LCLAT1: variants seen among roughly 807,000 people sequenced by gnomAD.
LCLAT1 encodes lysocardiolipin acyltransferase 1, also known as 1-AGP acyltransferase 8.
A neutral mutation model predicts 30.7 loss-of-function variants in LCLAT1; 11 were observed. The observed-to-expected ratio is 0.36, with a 90% CI of 0.23 to 0.59. The LOEUF (loss-of-function observed/expected upper bound fraction) is 0.59, where lower values mean the gene tolerates loss of function less well. Ranked by LOEUF, LCLAT1 falls within the 20% of genes least tolerant of loss-of-function variation. The pLI is 0.77. For missense variants in LCLAT1, 402 were observed against 458.6 expected (o/e 0.88, Z 1.13); for synonymous variants, 155 against 151.3 (o/e 1.02, Z -0.18).
At chr2:30,556,327 C>T (rs1196868136) in intron 3 of LCLAT1, among the ~76,000 whole-genome samples, 2 of 151,958 alleles carry the variant, frequency 1.3e-5, no homozygotes, top group Non-Finnish European at 2.9e-5. Context: ...GCCATATATA[C>T]AAAGACAGGC....
In LCLAT1 at chr2:30,519,450, C is replaced by T. The variant is rs150980436; in HGVS notation, c.-4-6137C>T. Reference sequence around the variant, plus strand: ...TTCAGCAGGAAGCAGTTAGAGTGGTCGTCAGCCAACCTCCCCAACAGCACT... The same window carrying T: ...TTCAGCAGGAAGCAGTTAGAGTGGTTGTCAGCCAACCTCCCCAACAGCACT... On this transcript the variant is annotated intron_variant, in intron 1 of 5. Transcript: ENST00000379509. Among the ~76,000 whole-genome samples the T allele has an allele frequency of 3.4e-3, 516 of 152,170 alleles. 6 individuals carry two copies. Among genetic ancestry groups the T allele is most frequent in the African/African-American group, 0.011 (447 of 41,512 alleles).
intron 5 of LCLAT1, among the ~76,000 whole-genome samples, chr2:30,575,647 A>ATTT: frequency 6.6e-6 from 1 of 152,094 alleles, no homozygotes; most frequent in East Asian, 1.9e-4. Flanking sequence ...AAAAGAGTAC[A>ATTT]TTTTTTTTCT....
intron 5 of LCLAT1, among the ~76,000 whole-genome samples, chr2:30,616,468 C>CT (rs1314736058): frequency 6.6e-6 from 1 of 152,064 alleles, no homozygotes; most frequent in Non-Finnish European, 1.5e-5. Context: ...TAAATTAGAG[C>CT]TATATGCTTC....
At chr2:30,577,997 A>G (rs1666066886) in intron 5 of LCLAT1, among the ~76,000 whole-genome samples, 1 of 152,128 alleles carries the variant, frequency 6.6e-6, no homozygotes, top group South Asian at 2.1e-4. Context: ...GTAAACTTTT[A>G]AACACTTTGC....
At chr2:30,488,575 T>G (rs1683673422) in intron 1 of LCLAT1, among the ~76,000 whole-genome samples, 1 of 152,258 alleles carries the variant, frequency 6.6e-6, no homozygotes, top group African/African-American at 2.4e-5. Context: ...TTTTTCAGAT[T>G]AGATATTGAC....
chr2:30,463,103 T>TA (rs912263819), intron 1 of LCLAT1, among the ~76,000 whole-genome samples: 25 of 152,008 alleles, frequency 1.6e-4, no homozygotes, highest in East Asian at 5.8e-4. Flanking sequence ...TCTCTCTTAA[T>TA]AAAAAAAGTC....
intron 2 of LCLAT1, among the ~76,000 whole-genome samples, chr2:30,529,674 C>A (rs1459452644): frequency 3.3e-5 from 5 of 152,176 alleles, no homozygotes; most frequent in Non-Finnish European, 7.3e-5. Context: ...ACCCAGGGCA[C>A]AAGTTTCTTC....
At chr2:30,582,531 C>T (rs994690199) in intron 5 of LCLAT1, among the ~76,000 whole-genome samples, 5 of 152,224 alleles carry the variant, frequency 3.3e-5, no homozygotes, top group Admixed American at 6.5e-5. Flanking sequence ...CAAGCACAAT[C>T]TCTGTTGTCC....
chr2:30,463,134 A>C (rs1362647990), intron 1 of LCLAT1, among the ~76,000 whole-genome samples: 1 of 151,940 alleles, frequency 6.6e-6, no homozygotes, highest in Admixed American at 6.6e-5. Context: ...CTATATAAGT[A>C]ATATTTATAC....
chr2:30,539,440 A>G (rs573565435), intron 3 of LCLAT1, among the ~76,000 whole-genome samples: 8 of 152,078 alleles, frequency 5.3e-5, no homozygotes, highest in Middle Eastern at 6.8e-3. Flanking sequence ...TTTAAAAATG[A>G]AACTTTAGAG....
chr2:30,498,802 A>G (rs143840408), intron 1 of LCLAT1, among the ~76,000 whole-genome samples: 2 of 152,290 alleles, frequency 1.3e-5, no homozygotes, highest in Non-Finnish European at 2.9e-5. Flanking sequence ...ATGTCTTTTA[A>G]TGATTTCTGA....
chr2:30,477,517 A>G (rs1481881155), intron 1 of LCLAT1, among the ~76,000 whole-genome samples: 6 of 152,212 alleles, frequency 3.9e-5, no homozygotes, highest in Admixed American at 3.3e-4. Flanking sequence ...GCTCCAAAGT[A>G]TCTGTATATA....
chr2:30,449,596 G>A (rs962414443), intron 1 of LCLAT1, among the ~76,000 whole-genome samples: 1 of 152,046 alleles, frequency 6.6e-6, no homozygotes, highest in African/African-American at 2.4e-5. Flanking sequence ...TGCCTCCCGG[G>A]TTCAAGCGAT....
At chr2:30,453,753 G>A (rs1681682080) in intron 1 of LCLAT1, among the ~76,000 whole-genome samples, 1 of 145,920 alleles carries the variant, frequency 6.9e-6, no homozygotes, top group Non-Finnish European at 1.6e-5. Context: ...AAACATGACG[G>A]CTATGAAACT....
intron 1 of LCLAT1, among the ~76,000 whole-genome samples, chr2:30,479,033 AG>A (rs1683191316): frequency 1.3e-5 from 2 of 152,160 alleles, no homozygotes; most frequent in South Asian, 4.1e-4. Flanking sequence ...TTATTCATAT[AG>A]CTCAAACTTG....
chr2:30,514,709 G>C (rs917231061), intron 1 of LCLAT1, among the ~76,000 whole-genome samples: 2 of 152,136 alleles, frequency 1.3e-5, no homozygotes, highest in African/African-American at 4.8e-5. Context: ...TCTGGCTGTT[G>C]AGTGTTGGAG....
At chr2:30,601,589 C>CT (rs565834424) in intron 5 of LCLAT1, among the ~76,000 whole-genome samples, 1 of 152,058 alleles carries the variant, frequency 6.6e-6, no homozygotes, top group African/African-American at 2.4e-5. Context: ...CCAACAAATA[C>CT]TTTCAGTATT....
At chr2:30,471,678 G>T (rs149722081) in intron 1 of LCLAT1, among the ~76,000 whole-genome samples, 1 of 151,898 alleles carries the variant, frequency 6.6e-6, no homozygotes, top group Non-Finnish European at 1.5e-5. Context: ...TTTTCCTTTC[G>T]GTTTGTTTAT....
At chr2:30,577,437 T>A (rs561113525) in intron 5 of LCLAT1, among the ~76,000 whole-genome samples, 2 of 152,230 alleles carry the variant, frequency 1.3e-5, no homozygotes, top group East Asian at 1.9e-4. Flanking sequence ...CTTGGTAAGA[T>A]TACTGATGTT....
Sources: allele counts gnomAD v4.1 joint callset (sites outside exome capture counted in the v4.1 genomes callset), GRCh38; gene constraint gnomAD v4.1.1; transcripts MANE v1.5; gene names NCBI Gene and HGNC (gene_info 2026-07-23, HGNC 2026-07-21).